ZNF366: variants seen among roughly 807,000 people sequenced by gnomAD.
ZNF366 encodes the protein zinc finger protein 366.
In ZNF366, 20 loss-of-function variants were observed where a neutral mutation model predicts 47.2. The ratio of observed to expected loss-of-function variants is 0.42; its 90% CI spans 0.30 to 0.62. ZNF366 has a LOEUF of 0.62. Among genes scored for constraint, ZNF366 ranks in the 20% least tolerant of loss-of-function variants. ZNF366 has a pLI of 0.16. For synonymous variants in ZNF366, 421 were observed against 395.1 expected, an observed-to-expected ratio of 1.07 and a Z score of -0.78; for missense variants, 987 against 976.3, an observed-to-expected ratio of 1.01 and a Z score of -0.15.
chr5:72,451,295 C>T (rs1035002635), intron 3 of ZNF366, among the ~76,000 whole-genome samples: 1 of 152,246 alleles, frequency 6.6e-6, no homozygotes, highest in African/African-American at 2.4e-5. Context: ...TCAGCTTCTC[C>T]ATCCACCCGC....
chr5:72,472,210 G>C (rs1175993778), intron 1 of ZNF366, among the ~76,000 whole-genome samples: 1 of 152,170 alleles, frequency 6.6e-6, no homozygotes, highest in Non-Finnish European at 1.5e-5. Flanking sequence ...GAAAGAAACT[G>C]ACAACCAGAT....
In ZNF366 at chr5:72,442,203, C is replaced by A. The variant is rs1167621993; in HGVS notation, c.*1553G>T. ...AGTCAGCAGTATGATTGTGAGGTCT[C>A]CTATTCTCAACCTTAAAGAGTCTGA... is the stretch of plus-strand genomic sequence containing the variant. On this transcript the variant is annotated 3_prime_UTR_variant, in exon 5 of 5. Coordinates refer to ENST00000318442, the MANE Select transcript of ZNF366 (RefSeq NM_152625.3). 1 of 152,174 alleles carries A rather than the reference C, an allele frequency of 6.6e-6. No homozygotes were observed. The highest frequency in any genetic ancestry group is 6.5e-5 in the Admixed American group (1 of 15,284). 9.4% of individuals were successfully genotyped at this position (152,174 alleles called of 1,614,324 possible).
chr5:72,500,114 G>A (rs1192529447), intron 1 of ZNF366, among the ~76,000 whole-genome samples: 1 of 152,182 alleles, frequency 6.6e-6, no homozygotes, highest in Non-Finnish European at 1.5e-5. Flanking sequence ...CTGTGATGCT[G>A]GAGAAGCGGG....
chr5:72,474,363 A>G (rs1192540772), intron 1 of ZNF366, among the ~76,000 whole-genome samples: 1 of 151,786 alleles, frequency 6.6e-6, no homozygotes, highest in Non-Finnish European at 1.5e-5. Context: ...CAAAGGAGAA[A>G]GGACAGGGGA....
chr5:72,475,537 A>G (rs1743655780), intron 1 of ZNF366, among the ~76,000 whole-genome samples: 1 of 152,212 alleles, frequency 6.6e-6, no homozygotes, highest in South Asian at 2.1e-4. Flanking sequence ...TGCCTACCTT[A>G]GCAATTCATT....
At chr5:72,486,788 T>C (rs890026697) in intron 1 of ZNF366, among the ~76,000 whole-genome samples, 1 of 152,040 alleles carries the variant, frequency 6.6e-6, no homozygotes, top group African/African-American at 2.4e-5. Context: ...TCCTTTTCTT[T>C]TTTTTTTTAG....
At chr5:72,447,440 C>G in intron 3 of ZNF366, 23 bp from the exon 4 acceptor site, 1 of 1,613,344 alleles carries the variant, frequency 6.2e-7, no homozygotes, top group Non-Finnish European at 8.5e-7. Flanking sequence ...GGGATGAGAA[C>G]ACAGGTTACT....
intron 1 of ZNF366, among the ~76,000 whole-genome samples, chr5:72,469,168 T>C (rs1177320707): frequency 6.6e-6 from 1 of 152,134 alleles, no homozygotes; most frequent in Non-Finnish European, 1.5e-5. Context: ...AATCAATGCA[T>C]AATTGATGAG....
chr5:72,461,164 G>T lies in ZNF366; in HGVS notation c.333C>A (p.Asn111Lys). The T allele has an allele frequency of 6.2e-7, 1 of 1,614,164 alleles. No individual in the cohort carries two copies. The highest frequency in any genetic ancestry group is 8.5e-7 in the Non-Finnish European group (1 of 1,180,028). ...SEENKNHGLP[N>K]LPLLFPQPPR... ...GGGGCTGCGGGAACAGCAAAGGGAG[G>T]TTGGGAAGGCCGTGGTTTTTGTTCT... Residue 111 changes from asparagine (N) to lysine (K), a missense_variant, in exon 2 of 5, where the codon AAC becomes AAA. Transcript: ENST00000318442.
At position 72,491,893 on chromosome 5, in the gene ZNF366, A is replaced by G. The variant is rs140485212; in HGVS notation, c.-15+15358T>C. ...TCCAGCAGTTGCTGTGACTCTGAAT[A>G]TTGAATATTGGCCCTGGAGAGCCCA... On this transcript the variant is annotated intron_variant, in intron 1 of 4. Transcript: ENST00000318442. Among the ~76,000 whole-genome samples, 198 of 152,334 alleles carry G rather than the reference A, an allele frequency of 1.3e-3. 1 individual carries two copies. The highest frequency in any genetic ancestry group is 4.6e-3 in the African/African-American group (191 of 41,558).
At chr5:72,476,590 T>C (rs1156728687) in intron 1 of ZNF366, among the ~76,000 whole-genome samples, 2 of 151,868 alleles carry the variant, frequency 1.3e-5, no homozygotes, top group Non-Finnish European at 2.9e-5. Context: ...GTGGAGAAAA[T>C]TTTTCTGTAT....
At chr5:72,503,447 G>A (rs969333010) in intron 1 of ZNF366, among the ~76,000 whole-genome samples, 2 of 152,086 alleles carry the variant, frequency 1.3e-5, no homozygotes, top group African/African-American at 2.4e-5. Context: ...ATCACAGCAT[G>A]TCAGCAAAAG....
chr5:72,478,853 G>C (rs1322664986), intron 1 of ZNF366, among the ~76,000 whole-genome samples: 1 of 152,154 alleles, frequency 6.6e-6, no homozygotes, highest in Non-Finnish European at 1.5e-5. Flanking sequence ...GAAGACATTG[G>C]CCTCTAAAAA....
chr5:72,475,384 A>T (rs1474001118), intron 1 of ZNF366, among the ~76,000 whole-genome samples: 5 of 152,158 alleles, frequency 3.3e-5, no homozygotes, highest in Non-Finnish European at 5.9e-5. Context: ...TTGCTACCTC[A>T]CTGGAGGAAA....
At chr5:72,493,952 T>C (rs1172339734) in intron 1 of ZNF366, among the ~76,000 whole-genome samples, 1 of 144,158 alleles carries the variant, frequency 6.9e-6, no homozygotes, top group African/African-American at 2.6e-5. Context: ...TTCATATTTT[T>C]AGTAGAGGTG....
At chr5:72,449,587 G>A (rs981680534) in intron 3 of ZNF366, among the ~76,000 whole-genome samples, 5 of 152,152 alleles carry the variant, frequency 3.3e-5, no homozygotes, top group African/African-American at 1.2e-4. Context: ...TCCAGTCACG[G>A]GTCATTTTTA....
At position 72,442,989 on chromosome 5, in the gene ZNF366, C is replaced by G. The variant is rs1270846017; in HGVS notation, c.*767G>C. ...GCATCTGTCTTATGGGGCATGAGGC[C>G]TCAGAGCAAGACAGCAATGGTCTCC... On this transcript the variant is annotated 3_prime_UTR_variant, in exon 5 of 5. Coordinates refer to ENST00000318442, the MANE Select transcript of ZNF366 (RefSeq NM_152625.3). The G allele has an allele frequency of 6.6e-6, 1 of 152,258 alleles. No individual in the cohort carries two copies. Among genetic ancestry groups the G allele is most frequent in the African/African-American group, 2.4e-5 (1 of 41,438 alleles). The allele number at this position is 152,258 out of a possible 1,614,324, so 9.4% of individuals were successfully genotyped here.
In ZNF366 at chr5:72,441,522, A is replaced by G. The variant is rs763271485; in HGVS notation, c.*2234T>C. 1 of 152,156 alleles carries G rather than the reference A, an allele frequency of 6.6e-6. No homozygotes were observed. The highest frequency in any genetic ancestry group is 2.4e-5 in the African/African-American group (1 of 41,418). 9.4% of individuals were successfully genotyped at this position (152,156 alleles called of 1,614,324 possible). A position where few individuals can be genotyped will look rare whatever the true frequency, so the allele number is the denominator to read the frequency against. ...AGAAACCCACAGTCTTCTCTTCACA[A>G]TCTCCGTTGCAGGTGCCCTTACCTC... On this transcript the variant is annotated 3_prime_UTR_variant, in exon 5 of 5. Coordinates refer to ENST00000318442, the MANE Select transcript of ZNF366 (RefSeq NM_152625.3).
chr5:72,454,761 G>A (rs546887271), intron 3 of ZNF366, among the ~76,000 whole-genome samples: 1 of 152,348 alleles, frequency 6.6e-6, no homozygotes, highest in East Asian at 1.9e-4. Context: ...GTAGGAGACA[G>A]TAAACCCTTT....
Sources: allele counts gnomAD v4.1 joint callset (sites outside exome capture counted in the v4.1 genomes callset), GRCh38; gene constraint gnomAD v4.1.1; transcripts MANE v1.5; gene names NCBI Gene and HGNC (gene_info 2026-07-23, HGNC 2026-07-21).